SYT1: variants seen among roughly 807,000 people sequenced by gnomAD.
The protein encoded by SYT1 is synaptotagmin-1.
In SYT1, 8 loss-of-function variants were observed where a neutral mutation model predicts 44.8. The observed-to-expected ratio is 0.18, with a 90% CI of 0.10 to 0.32. The LOEUF (loss-of-function observed/expected upper bound fraction) is 0.32, where lower values mean the gene tolerates loss of function less well. Among genes scored for constraint, SYT1 ranks in the 10% least tolerant of loss-of-function variants. The pLI is 1.00. For missense variants in SYT1, 286 were observed against 509.3 expected (o/e 0.56, Z 4.22); for synonymous variants, 154 against 188.8 (o/e 0.82, Z 1.51).
At position 79,199,725 on chromosome 12, in the gene SYT1, C is replaced by T. The variant is rs535522466; in HGVS notation, c.-17-17778C>T. 3.3e-5 allele frequency among the ~76,000 whole-genome samples: 5 copies of T among 152,140 alleles called. No homozygotes were observed. In the East Asian group the frequency reaches 9.6e-4, roughly 29 times the overall value. ...GAGTAATGCAAAATTAGGTTTATAT[C>T]AATATAAATACGTATCATAAGCACT... is the stretch of plus-strand genomic sequence containing the variant. On this transcript the variant is annotated intron_variant, in intron 3 of 10. Transcript: ENST00000261205.
chr12:79,050,550 T>A (rs564222243), intron 3 of SYT1, among the ~76,000 whole-genome samples: 38 of 152,150 alleles, frequency 2.5e-4, no homozygotes, highest in Non-Finnish European at 4.9e-4. Flanking sequence ...AAAAAATCAT[T>A]CAGATGCTCA....
chr12:79,283,528 G>A (rs929244111), intron 4 of SYT1, among the ~76,000 whole-genome samples: 13 of 152,010 alleles, frequency 8.6e-5, no homozygotes, highest in African/African-American at 2.9e-4. Context: ...CTCTCTGAGC[G>A]ACTATCACCA....
At chr12:78,949,388 A>T (rs543489175) in intron 1 of SYT1, among the ~76,000 whole-genome samples, 1 of 151,900 alleles carries the variant, frequency 6.6e-6, no homozygotes, top group Non-Finnish European at 1.5e-5. Context: ...GTGCAGGTCA[A>T]TGATAACGAG....
At chr12:78,987,242 T>C (rs1473900699) in intron 2 of SYT1, among the ~76,000 whole-genome samples, 1 of 152,062 alleles carries the variant, frequency 6.6e-6, no homozygotes, top group Non-Finnish European at 1.5e-5. Flanking sequence ...TTTCTTTTAA[T>C]GAGTCTGTGC....
intron 3 of SYT1, among the ~76,000 whole-genome samples, chr12:79,176,812 C>T (rs1002675784): frequency 7.2e-5 from 11 of 151,908 alleles, no homozygotes; most frequent in Non-Finnish European, 1.5e-4. Flanking sequence ...CAACCTATAA[C>T]CCTGTAAACC....
chr12:79,197,808 G>C (rs1312810056), intron 3 of SYT1, among the ~76,000 whole-genome samples: 1 of 152,140 alleles, frequency 6.6e-6, no homozygotes, highest in African/African-American at 2.4e-5. Context: ...TGGCAGAAAT[G>C]TTCTAGAGTG....
chr12:79,301,004 A>T (rs1004815548), intron 8 of SYT1, among the ~76,000 whole-genome samples: 1 of 151,668 alleles, frequency 6.6e-6, no homozygotes. Context: ...TCTTCATGAA[A>T]AAAAAAATTC....
intron 1 of SYT1, among the ~76,000 whole-genome samples, chr12:78,904,694 T>C (rs1254159844): frequency 6.6e-6 from 1 of 152,112 alleles, no homozygotes; most frequent in Admixed American, 6.6e-5. Context: ...ATCTGCTCCA[T>C]TACATGAGTA....
At chr12:78,868,749 G>C (rs1312519962) in intron 1 of SYT1, 4 of 151,674 alleles carry the variant, frequency 2.6e-5, no homozygotes, top group Non-Finnish European at 1.5e-5. Context: ...TGCTTTTAAG[G>C]GTTCTTTGGT....
chr12:79,271,233 T>C (rs796951404), intron 4 of SYT1, among the ~76,000 whole-genome samples: 1 of 152,342 alleles, frequency 6.6e-6, no homozygotes, highest in African/African-American at 2.4e-5. Context: ...TTTTAAAATA[T>C]ATATATGTCA....
chr12:79,044,937 C>T (rs921438264), intron 2 of SYT1, among the ~76,000 whole-genome samples: 2 of 152,204 alleles, frequency 1.3e-5, no homozygotes, highest in East Asian at 3.9e-4. Flanking sequence ...AGTTAGGCCG[C>T]TCGGGGGTCA....
chr12:78,974,205 T>C (rs1245893465), intron 1 of SYT1, among the ~76,000 whole-genome samples: 1 of 150,768 alleles, frequency 6.6e-6, no homozygotes, highest in East Asian at 1.9e-4. Context: ...CAATGGTAAG[T>C]ATTTGTGTAT....
At chr12:79,261,341 T>C (rs531056085) in intron 4 of SYT1, among the ~76,000 whole-genome samples, 41 of 152,326 alleles carry the variant, frequency 2.7e-4, no homozygotes, top group African/African-American at 8.7e-4. Flanking sequence ...CTTCCTCCAA[T>C]ATTTTCAATC....
chr12:79,063,158 G>A (rs1049798793), intron 3 of SYT1, among the ~76,000 whole-genome samples: 10 of 152,090 alleles, frequency 6.6e-5, no homozygotes, highest in Admixed American at 2.6e-4. Flanking sequence ...CCATCTTGAG[G>A]CTTTAGATCA....
At chr12:79,315,098 C>T (rs987680301) in intron 8 of SYT1, among the ~76,000 whole-genome samples, 6 of 152,054 alleles carry the variant, frequency 3.9e-5, no homozygotes, top group African/African-American at 9.7e-5. Context: ...ATACTAAAAT[C>T]CACCAAACTG....
intron 2 of SYT1, among the ~76,000 whole-genome samples, chr12:79,012,253 C>T (rs773198844): frequency 4.6e-5 from 7 of 151,916 alleles, no homozygotes; most frequent in Non-Finnish European, 1.0e-4. Context: ...TTTTGGGAAT[C>T]AGCACAGTCA....
chr12:79,048,274 G>T (rs1011313253), intron 3 of SYT1, among the ~76,000 whole-genome samples: 1 of 151,624 alleles, frequency 6.6e-6, no homozygotes, highest in Non-Finnish European at 1.5e-5. Context: ...ATGTAAGTTT[G>T]ATATATAAAA....
intron 3 of SYT1, among the ~76,000 whole-genome samples, chr12:79,124,554 CCAT>C (rs1379671427): frequency 5.3e-5 from 8 of 151,718 alleles, no homozygotes; most frequent in South Asian, 4.2e-4. Flanking sequence ...ATCACCATTG[CCAT>C]CATCATCATC....
intron 2 of SYT1, among the ~76,000 whole-genome samples, chr12:79,000,691 G>C (rs1013118300): frequency 2.6e-5 from 4 of 152,218 alleles, no homozygotes; most frequent in South Asian, 2.1e-4. Flanking sequence ...CCAAGACTGA[G>C]GTTGGATTTC....
Sources: allele counts gnomAD v4.1 joint callset (sites outside exome capture counted in the v4.1 genomes callset), GRCh38; gene constraint gnomAD v4.1.1; transcripts MANE v1.5; gene names NCBI Gene and HGNC (gene_info 2026-07-23, HGNC 2026-07-21).